Variants in FAM177A1 observed in about 807,000 individuals in gnomAD.
The protein encoded by FAM177A1 is family with sequence similarity 177 member A1.
In FAM177A1, 22 loss-of-function variants were observed where a neutral mutation model predicts 26.1. The ratio of observed to expected loss-of-function variants is 0.84; its 90% CI spans 0.60 to 1.20. The LOEUF is 1.20. FAM177A1 is among the 50% of genes most tolerant of loss of function. The pLI, the probability that FAM177A1 is intolerant of heterozygous loss-of-function variation, is 0.00. For missense variants in FAM177A1, 296 were observed against 291.1 expected, an observed-to-expected ratio of 1.02 and a Z score of -0.12; for synonymous variants, 95 against 99.3, an observed-to-expected ratio of 0.96 and a Z score of 0.26.
At chr14:35,051,013 G>A (rs1354930316) in intron 1 of FAM177A1, 3 of 152,108 alleles carry the variant, frequency 2.0e-5, no homozygotes, top group Non-Finnish European at 4.4e-5. Context: ...CCTTGTTAAG[G>A]GCTGGGATTT....
intron 4 of FAM177A1, 57 bp downstream of exon 4, chr14:35,079,081 G>T: frequency 7.6e-7 from 1 of 1,311,184 alleles, no homozygotes; most frequent in Non-Finnish European, 1.0e-6. Flanking sequence ...GACTTGATGG[G>T]TTGCATAATG....
chr14:35,075,539 T>A (rs7158540), intron 2 of FAM177A1, among the ~76,000 whole-genome samples: 1 of 151,136 alleles, frequency 6.6e-6, no homozygotes, highest in Non-Finnish European at 1.5e-5. Context: ...ATAGGCATGG[T>A]CAAGGACTTC....
Position 35,053,447 on chromosome 14 carries a change from A to C in FAM177A1, c.335A>C (p.Asp112Ala). Residue 112 changes from aspartate (D) to alanine (A), a missense_variant, in exon 2 of 5, where the codon GAT becomes GCT. Asp to Ala is a moderately radical substitution (Grantham distance 126, BLOSUM62 -2). Transcript: ENST00000280987. Reference sequence around the variant, plus strand: ...AAGAAAGATGTTTTGCCTACTGTTGATCCGGTAGGTTTGATATTGATGATT... The same window carrying C: ...AAGAAAGATGTTTTGCCTACTGTTGCTCCGGTAGGTTTGATATTGATGATT... ...LEKKDVLPTV[D>A]PTKLTWGPYL... is the part of the protein sequence containing the mutation. 6.2e-7 allele frequency: 1 copy of C among 1,613,780 alleles called. No homozygotes were observed. The highest frequency in any genetic ancestry group is 8.5e-7 in the Non-Finnish European group (1 of 1,179,876).
At chr14:35,080,475 C>T (rs773782072) in intron 4 of FAM177A1, among the ~76,000 whole-genome samples, 4 of 152,126 alleles carry the variant, frequency 2.6e-5, no homozygotes, top group Non-Finnish European at 4.4e-5. Flanking sequence ...GTCTCATCTA[C>T]GTGATGTAGT....
chr14:35,054,619 G>A (rs575105048), intron 2 of FAM177A1: 2 of 152,252 alleles, frequency 1.3e-5, no homozygotes, highest in Non-Finnish European at 2.9e-5. Context: ...ATAGAGAATT[G>A]TTTATATTTG....
intron 2 of FAM177A1, among the ~76,000 whole-genome samples, chr14:35,060,156 G>T (rs1043799510): frequency 6.7e-6 from 1 of 149,570 alleles, no homozygotes; most frequent in African/African-American, 2.5e-5. Context: ...TGTATTTTTG[G>T]TAGAGACTGG....
chr14:35,047,556 C>G (rs1241030228), intron 1 of FAM177A1, among the ~76,000 whole-genome samples: 2 of 152,218 alleles, frequency 1.3e-5, no homozygotes, highest in Non-Finnish European at 2.9e-5. Context: ...CAAGACCAGT[C>G]TGGCCAACAT....
chr14:35,047,047 A>T, intron 1 of FAM177A1: 1 of 993,996 alleles, frequency 1.0e-6, no homozygotes, highest in East Asian at 1.1e-4. Flanking sequence ...AACGTTTACC[A>T]GCTTTAATTC....
chr14:35,048,044 A>G (rs975510951), intron 1 of FAM177A1, among the ~76,000 whole-genome samples: 1 of 152,138 alleles, frequency 6.6e-6, no homozygotes, highest in Middle Eastern at 3.4e-3. Flanking sequence ...AAAAAACACA[A>G]CTTTCCCACA....
At chr14:35,072,423 G>A (rs951543111) in intron 2 of FAM177A1, among the ~76,000 whole-genome samples, 2 of 152,192 alleles carry the variant, frequency 1.3e-5, no homozygotes, top group Non-Finnish European at 2.9e-5. Context: ...GAAGAGGAGG[G>A]GTTGGTCTTG....
At chr14:35,055,163 C>T (rs1281841909) in intron 2 of FAM177A1, among the ~76,000 whole-genome samples, 1 of 150,670 alleles carries the variant, frequency 6.6e-6, no homozygotes, top group Admixed American at 6.6e-5. Context: ...ATTAGGCAGG[C>T]GTGATGGCAG....
At chr14:35,076,217 G>A (rs1338113351) in intron 2 of FAM177A1, among the ~76,000 whole-genome samples, 3 of 152,230 alleles carry the variant, frequency 2.0e-5, no homozygotes, top group South Asian at 2.1e-4. Flanking sequence ...GATAGACTGG[G>A]TTAAGAAAAT....
At chr14:35,052,658 C>T (rs990231742) in intron 1 of FAM177A1, among the ~76,000 whole-genome samples, 5 of 152,020 alleles carry the variant, frequency 3.3e-5, no homozygotes, top group Admixed American at 1.3e-4. Flanking sequence ...GGCACAGTGA[C>T]GTATGCCTGT....
intron 2 of FAM177A1, among the ~76,000 whole-genome samples, chr14:35,062,694 T>C (rs2045177232): frequency 6.6e-6 from 1 of 151,432 alleles, no homozygotes; most frequent in African/African-American, 2.4e-5. Flanking sequence ...TTTGGAGGGC[T>C]GAGGCAAGAG....
intron 4 of FAM177A1, 138 bp from the exon 5 acceptor site, chr14:35,080,884 A>G (rs940697731): frequency 3.4e-5 from 44 of 1,277,538 alleles, no homozygotes; most frequent in Admixed American, 3.0e-4. Flanking sequence ...GTATGTCTTA[A>G]TTAGACCAAA....
At chr14:35,047,076 C>T (rs1265803526) in intron 1 of FAM177A1, 2 of 935,382 alleles carry the variant, frequency 2.1e-6, no homozygotes, top group Non-Finnish European at 1.3e-6. Context: ...CTTACAGTAA[C>T]CGCTCGAGGT....
rs368822155 is a variant in FAM177A1, at chr14:35,053,417, T to G, written c.305T>G (p.Leu102Arg). The change falls in exon 2 of 5, where the codon CTG (leucine) becomes CGG (arginine). Residue 102 changes from leucine (L) to arginine (R), a missense_variant. Leu to Arg is a moderately radical substitution (Grantham distance 102). Transcript: ENST00000280987. ...YSTDEDEVDG[L>R]EKKDVLPTVD... ...ACAGATGAAGACGAAGTTGATGGCC[T>G]GGAGAAGAAAGATGTTTTGCCTACT... 2.6e-5 allele frequency: 42 copies of G among 1,614,002 alleles called. No individual in the cohort carries two copies. The highest frequency in any genetic ancestry group is 3.4e-5 in the Non-Finnish European group (40 of 1,180,020).
chr14:35,045,358 AG>A (rs1213863579), upstream of FAM177A1, among the ~76,000 whole-genome samples: 1 of 152,212 alleles, frequency 6.6e-6, no homozygotes, highest in Non-Finnish European at 1.5e-5. Context: ...TACATAGAAT[AG>A]GAAGTGTACA....
intron 1 of FAM177A1, among the ~76,000 whole-genome samples, chr14:35,047,772 AC>A (rs1566665060): frequency 5.6e-4 from 74 of 131,200 alleles, no homozygotes; most frequent in African/African-American, 1.0e-3. Context: ...AACAACAACA[AC>A]AACAACAACA....
Sources: allele counts gnomAD v4.1 joint callset (sites outside exome capture counted in the v4.1 genomes callset), GRCh38; gene constraint gnomAD v4.1.1; transcripts MANE v1.5; gene names NCBI Gene and HGNC (gene_info 2026-07-23, HGNC 2026-07-21).